Variants in SRRM3 observed in about 807,000 individuals in gnomAD.
SRRM3 encodes serine/arginine repetitive matrix protein 3.
A neutral mutation model predicts 66.2 loss-of-function variants in SRRM3; 27 were observed. The observed-to-expected ratio is 0.41, with a 90% confidence interval of 0.30 to 0.56. The LOEUF (loss-of-function observed/expected upper bound fraction) is 0.56. Among genes scored for constraint, SRRM3 ranks in the 20% least tolerant of loss-of-function variants. The probability of loss-of-function intolerance (pLI) is 0.32; values close to 1 mark genes in which losing one functional copy is unlikely to be tolerated. For synonymous variants in SRRM3, 391 were observed against 414.9 expected (o/e 0.94, Z 0.70); for missense variants, 918 against 991.9 (o/e 0.93, Z 1.00).
rs542163295 is a variant in SRRM3 at position 76,240,492 on chromosome 7, T to C, written c.233+5193T>C. Reference sequence around the variant, plus strand: ...AAAATTAGCCGGGTGTGGTGGCAGGTGCCTGTAGTCCCAGCTACTCAGGAG... The same window carrying C: ...AAAATTAGCCGGGTGTGGTGGCAGGCGCCTGTAGTCCCAGCTACTCAGGAG... On this transcript the variant is annotated intron_variant, in intron 2 of 14. Coordinates refer to ENST00000611745, the MANE Select transcript of SRRM3 (RefSeq NM_001110199.3). Among the ~76,000 whole-genome samples the C allele has an allele frequency of 8.6e-5, 13 of 150,988 alleles. No individual in the cohort carries two copies. In the South Asian group the frequency reaches 2.3e-3, roughly 27 times the overall value.
intron 1 of SRRM3, among the ~76,000 whole-genome samples, chr7:76,216,483 G>A (rs1466674887): frequency 6.6e-6 from 1 of 152,204 alleles, no homozygotes; most frequent in Non-Finnish European, 1.5e-5. Context: ...GTCCTTGAGG[G>A]TCCCTTCCTT....
In SRRM3 at chr7:76,261,543, C is replaced by T; in HGVS notation, c.639-3C>T. ...TCAAGAGAACTCCTTTATCGCCCTACAGGTCTGATTCTGGGTCCCGGAGGA... is the reference window on the plus strand; with the variant it reads ...TCAAGAGAACTCCTTTATCGCCCTATAGGTCTGATTCTGGGTCCCGGAGGA... On this transcript the variant is annotated splice_region_variant and splice_polypyrimidine_tract_variant and intron_variant, in intron 7 of 14. Transcript: ENST00000611745. The T allele has an allele frequency of 6.2e-7, 1 of 1,611,736 alleles. No individual in the cohort carries two copies. Among genetic ancestry groups the T allele is most frequent in the Admixed American group, 1.7e-5 (1 of 59,668 alleles).
intron 8 of SRRM3, among the ~76,000 whole-genome samples, chr7:76,264,239 C>T (rs1221639972): frequency 2.7e-5 from 4 of 150,276 alleles, no homozygotes; most frequent in East Asian, 2.0e-4. Flanking sequence ...GCGATCTCAG[C>T]TTACGCAACC....
At chr7:76,252,343 A>G (rs1292766261) in intron 3 of SRRM3, among the ~76,000 whole-genome samples, 1 of 152,172 alleles carries the variant, frequency 6.6e-6, no homozygotes, top group Admixed American at 6.5e-5. Context: ...TGTTTTTGAG[A>G]CAGAGTCTCA....
intron 1 of SRRM3, among the ~76,000 whole-genome samples, chr7:76,208,505 CA>C (rs112442379): frequency 0.25 from 33,298 of 133,366 alleles, 4,247 homozygotes; most frequent in East Asian, 0.46. Context: ...CCTATCTCTA[CA>C]AAAAAAAAAA....
chr7:76,210,235 C>A (rs1444425084), intron 1 of SRRM3, among the ~76,000 whole-genome samples: 1 of 152,156 alleles, frequency 6.6e-6, no homozygotes, highest in African/African-American at 2.4e-5. Flanking sequence ...GAGTGGGCTT[C>A]AAGACTGGCA....
chr7:76,278,208 C>T (rs1003237059), intron 11 of SRRM3, among the ~76,000 whole-genome samples: 4 of 151,736 alleles, frequency 2.6e-5, no homozygotes, highest in Admixed American at 2.0e-4. Context: ...AACCCAAGGC[C>T]GGGCACGATG....
rs138949279 is a variant in SRRM3, at chr7:76,221,625, G to A, written c.-39-13403G>A. On this transcript the variant is annotated intron_variant, in intron 1 of 14. Transcript: ENST00000611745. ...GATCCACCCGCCTCGGCCCCCCAAA[G>A]TGCTGGGATTACAGGCGTGAGCCAC... Among the ~76,000 whole-genome samples, 718 of 152,004 alleles carry A rather than the reference G, an allele frequency of 4.7e-3. 7 individuals are homozygous for A. Among genetic ancestry groups the A allele is most frequent in the African/African-American group, 0.016 (656 of 41,422 alleles).
intron 11 of SRRM3, among the ~76,000 whole-genome samples, chr7:76,272,235 C>T (rs1802232153): frequency 6.6e-6 from 1 of 152,148 alleles, no homozygotes; most frequent in South Asian, 2.1e-4. Flanking sequence ...CAGGGGCCAC[C>T]TGCTCACCTT....
At chr7:76,276,979 G>T (rs1802365219) in intron 11 of SRRM3, among the ~76,000 whole-genome samples, 1 of 152,188 alleles carries the variant, frequency 6.6e-6, no homozygotes. Flanking sequence ...TACCAATGGG[G>T]AAACTGAGGC....
Position 76,281,689 on chromosome 7 carries a change from G to A in SRRM3, c.1257G>A (p.Ser419=). The part of the protein sequence containing the change: ...RRPRPAPPRG[S]SRSLSRARSS... ...CCCGGCCCGCGCCCCCCCGGGGCTC[G>A]TCGCGCTCGCTCAGCAGGGCCCGCT... Residue 419 remains serine, a synonymous_variant, in exon 12 of 15, where the codon TCG becomes TCA. Transcript: ENST00000611745. 9.5e-7 allele frequency: 1 copy of A among 1,048,628 alleles called. No individual in the cohort carries two copies. Among genetic ancestry groups the A allele is most frequent in the Non-Finnish European group, 1.1e-6 (1 of 870,748 alleles). 65.0% of individuals were successfully genotyped at this position (1,048,628 alleles called of 1,614,324 possible).
chr7:76,283,157 C>A (rs1802573198), intron 14 of SRRM3, 56 bp downstream of exon 14: 1 of 1,356,410 alleles, frequency 7.4e-7, no homozygotes, highest in South Asian at 2.0e-5. Context: ...TGACCCGGAT[C>A]AGGGACAGAG....
At chr7:76,215,345 A>G (rs1172195237) in intron 1 of SRRM3, among the ~76,000 whole-genome samples, 1 of 150,332 alleles carries the variant, frequency 6.7e-6, no homozygotes, top group Non-Finnish European at 1.5e-5. Flanking sequence ...TGAAGATTAA[A>G]TGGCTCCCAT....
chr7:76,236,493 T>G (rs1318640790), intron 2 of SRRM3, among the ~76,000 whole-genome samples: 30 of 152,100 alleles, frequency 2.0e-4, no homozygotes, highest in Admixed American at 2.0e-3. Context: ...AGACACAGCC[T>G]GTGTCCTTCA....
Position 76,285,689 on chromosome 7 carries a change from C to G in SRRM3, c.1808C>G (p.Ser603Trp). The change falls in exon 15 of 15, where the codon TCG becomes TGG. Residue 603 changes from serine (S) to tryptophan (W), a missense_variant. Coordinates refer to ENST00000611745, the MANE Select transcript of SRRM3 (RefSeq NM_001110199.3). This position sits in a 1 kb window ranked among gnomAD's most constrained non-coding sequence, Gnocchi z 4.1. ...SSSSCLSSDYSTRSHSRSPSP... is the reference protein window; with the variant it reads ...SSSSCLSSDYWTRSHSRSPSP... ...TCCAGCTGCTTGAGCAGCGACTACT[C>G]GACCCGGAGCCACAGCCGCAGCCCC... 1 of 1,551,050 alleles carries G rather than the reference C, an allele frequency of 6.4e-7. No homozygotes were observed.
At chr7:76,226,592 ATTTATTTT>A (rs1351051830) in intron 1 of SRRM3, among the ~76,000 whole-genome samples, 25 of 141,872 alleles carry the variant, frequency 1.8e-4, no homozygotes, top group South Asian at 4.3e-4. Context: ...TTATTTATTT[ATTTATTTT>A]ATTTTTTGAG....
chr7:76,220,024 A>C (rs781953577), intron 1 of SRRM3, among the ~76,000 whole-genome samples: 2 of 152,234 alleles, frequency 1.3e-5, no homozygotes, highest in Non-Finnish European at 2.9e-5. Context: ...TAGTGAGAGC[A>C]GTGACCAAGG....
Position 76,212,807 on chromosome 7 carries a change from A to G in SRRM3, c.-40+10740A>G, listed in dbSNP as rs114720000. ...TTTAAAGTTCCAAGGTGGACCGTAC[A>G]CACTAGAGTTGAGAACCGGTGCCTC... On this transcript the variant is annotated intron_variant, in intron 1 of 14. Coordinates refer to ENST00000611745, the MANE Select transcript of SRRM3 (RefSeq NM_001110199.3). 1.2e-3 allele frequency among the ~76,000 whole-genome samples: 190 copies of G among 152,008 alleles called. 1 individual carries two copies. The highest frequency in any genetic ancestry group is 4.3e-3 in the African/African-American group (180 of 41,506).
intron 11 of SRRM3, among the ~76,000 whole-genome samples, chr7:76,274,619 AGCCAGCAGGGACTAGGGG>A (rs1348420830): frequency 6.6e-6 from 1 of 152,206 alleles, no homozygotes; most frequent in African/African-American, 2.4e-5. Context: ...CCAAAAGAAC[AGCCAGCAGGGACTAGGGG>A]CCCACAGGGT....
Sources: gnomAD v4.1 joint callset for allele counts (sites outside exome capture counted in the v4.1 genomes callset) on GRCh38, gnomAD v4.1.1 for gene constraint, Gnocchi (gnomAD v3.1) non-coding constraint, MANE v1.5 for transcripts, NCBI Gene and HGNC (gene_info 2026-07-23, HGNC 2026-07-21) for gene names.